The following SPDYE21 variants were observed in gnomAD, a reference collection of about 807,000 sequenced individuals.
SPDYE21 encodes the protein speedy/RINGO cell cycle regulator family member E21, also known as speedy protein E21.
A neutral mutation model predicts 36.2 loss-of-function variants in SPDYE21; 14 were observed. The observed-to-expected ratio is 0.39, with a 90% confidence interval of 0.26 to 0.61. SPDYE21 has a LOEUF of 0.61. Among genes scored for constraint, SPDYE21 ranks in the 20% least tolerant of loss-of-function variants. The probability of loss-of-function intolerance (pLI) is 0.55; values close to 1 mark genes in which losing one functional copy is unlikely to be tolerated. For missense variants in SPDYE21, 233 were observed against 424.6 expected (o/e 0.55, Z 3.97); for synonymous variants, 58 against 155.1 (o/e 0.37, Z 4.65).
chr7:67,286,720 C>T (rs1052798663), intron 8 of SPDYE21, among the ~76,000 whole-genome samples, 56 bp downstream of exon 8: 5 of 151,930 alleles, frequency 3.3e-5, no homozygotes, highest in African/African-American at 4.8e-5. Context: ...TTCGGAAATC[C>T]GAAGAACCCA....
intron 6 of SPDYE21, among the ~76,000 whole-genome samples, chr7:67,284,448 C>CAA (rs3980859): frequency 0.07 from 2,656 of 37,812 alleles, 145 homozygotes; most frequent in East Asian, 0.21. Flanking sequence ...GACTTTTTCT[C>CAA]AAAAAAAAAA....
chr7:67,286,141 C>G lies in SPDYE21; in HGVS notation c.853C>G (p.Arg285Gly). The part of the protein sequence containing the change: ...GKTRSRIPLL[R>G]KRWFQLGRSM... The stretch of plus-strand genomic sequence containing the variant: ...GACCCGCTCTCGCATACCCTTGCTC[C>G]GTAAGCGTTGGTTCCAGTTAGGCCG... Residue 285 changes from arginine to glycine, a missense_variant, in exon 7 of 9, where the codon CGT (arginine) becomes GGT (glycine). Physicochemically the swap from Arg to Gly is moderately radical, Grantham distance 125. Around this residue, in one of 4 missense-constraint regions of SPDYE21, gnomAD observed 139 missense variants for 175.8 expected, o/e 0.79. Coordinates refer to ENST00000424157, the MANE Select transcript of SPDYE21 (RefSeq NM_001382715.2). 1 of 1,611,734 alleles carries G rather than the reference C, an allele frequency of 6.2e-7. No individual in the cohort carries two copies. The highest frequency in any genetic ancestry group is 8.5e-7 in the Non-Finnish European group (1 of 1,179,144).
At chr7:67,285,761 A>G (rs1057444870) in intron 6 of SPDYE21, among the ~76,000 whole-genome samples, 24 of 152,058 alleles carry the variant, frequency 1.6e-4, no homozygotes, top group Admixed American at 1.2e-3. Context: ...TCCTGGCCTC[A>G]AGTGATCCTC....
At chr7:67,285,552 G>A (rs1352090205) in intron 6 of SPDYE21, among the ~76,000 whole-genome samples, 1 of 151,200 alleles carries the variant, frequency 6.6e-6, no homozygotes, top group Non-Finnish European at 1.5e-5. Context: ...ACGGCACCAG[G>A]CTGATTTTTG....
Position 67,279,812 on chromosome 7 carries a change from A to T in SPDYE21, c.161-6A>T. ...CATTACACAGTGGCCTGGTTTCTTT[A>T]CTCAGCCCCTGGGGTAGATCCCAGC... On this transcript the variant is annotated splice_region_variant and splice_polypyrimidine_tract_variant and intron_variant, in intron 2 of 8. Transcript: ENST00000424157. The T allele has an allele frequency of 3.8e-6, 6 of 1,594,326 alleles. No homozygotes were observed. Among genetic ancestry groups the T allele is most frequent in the Non-Finnish European group, 4.2e-6 (5 of 1,178,910 alleles).
intron 6 of SPDYE21, among the ~76,000 whole-genome samples, chr7:67,285,682 G>T (rs1341965922): frequency 6.6e-6 from 1 of 152,198 alleles, no homozygotes; most frequent in East Asian, 1.9e-4. Context: ...GAGCCACTGC[G>T]TCTGGCATAT....
chr7:67,277,893 C>A (rs376488067), intron 1 of SPDYE21, among the ~76,000 whole-genome samples: 3,700 of 140,048 alleles, frequency 0.026, 75 homozygotes, highest in Non-Finnish European at 0.038. Context: ...CATGGATTCC[C>A]TGAAATTGGG....
intron 2 of SPDYE21, among the ~76,000 whole-genome samples, chr7:67,279,182 CCAAA>C (rs1802590699): frequency 6.9e-6 from 1 of 144,568 alleles, no homozygotes. Context: ...TACTGCACTC[CCAAA>C]AAAAAAAAAA....
intron 6 of SPDYE21, among the ~76,000 whole-genome samples, chr7:67,285,222 G>T (rs3980854): frequency 1.3e-5 from 2 of 152,244 alleles, no homozygotes; most frequent in East Asian, 3.9e-4. Flanking sequence ...GTATTCAATT[G>T]CTTTTATTTT....
intron 6 of SPDYE21, among the ~76,000 whole-genome samples, chr7:67,284,914 C>T (rs1414048062): frequency 6.7e-5 from 10 of 149,588 alleles, no homozygotes; most frequent in African/African-American, 2.5e-4. Flanking sequence ...CACTGGCTCA[C>T]CATCTTGGTA....
At chr7:67,285,788 A>C (rs559935) in intron 6 of SPDYE21, among the ~76,000 whole-genome samples, 1 of 151,922 alleles carries the variant, frequency 6.6e-6, no homozygotes, top group African/African-American at 2.4e-5. Flanking sequence ...TGGCCTCCCA[A>C]TGTGCTGGGA....
intron 6 of SPDYE21, among the ~76,000 whole-genome samples, chr7:67,285,743 T>C (rs1802718046): frequency 1.3e-5 from 2 of 152,088 alleles, no homozygotes; most frequent in Non-Finnish European, 2.9e-5. Flanking sequence ...CCCAGGCCCG[T>C]CTCAAACTCC....
At chr7:67,281,043 C>T (rs201199801) in intron 3 of SPDYE21, among the ~76,000 whole-genome samples, 9,793 of 134,524 alleles carry the variant, frequency 0.073, 100 homozygotes, top group Admixed American at 0.092. Flanking sequence ...GATCGCACCA[C>T]TACACTCCAG....
Position 67,287,756 on chromosome 7 carries a change from T to A in SPDYE21, c.*284T>A, listed in dbSNP as rs1802765530. On this transcript the variant is annotated 3_prime_UTR_variant, in exon 9 of 9. Coordinates refer to ENST00000424157, the MANE Select transcript of SPDYE21 (RefSeq NM_001382715.2). ...GTAAGAAACCAGGAGTGTTTCCAGT[T>A]CCACCCTTTCCTGCGGCACCACCAC... 6.6e-6 allele frequency among the ~76,000 whole-genome samples: 1 copy of A among 151,542 alleles called. No homozygotes were observed. Among genetic ancestry groups the A allele is most frequent in the Middle Eastern group, 3.2e-3 (1 of 316 alleles).
In SPDYE21 at chr7:67,288,215, T is replaced by G. The variant is rs971249588; in HGVS notation, c.*743T>G. Among the ~76,000 whole-genome samples, 21 of 150,578 alleles carry G rather than the reference T, an allele frequency of 1.4e-4. No individual in the cohort carries two copies. Among genetic ancestry groups the G allele is most frequent in the Non-Finnish European group, 2.8e-4 (19 of 67,550 alleles). ...TATGTGCTCCTGAAGCGAGCACTCT[T>G]TTTATCTATGATACTTCCATAATAA... On this transcript the variant is annotated 3_prime_UTR_variant, in exon 9 of 9. Transcript: ENST00000424157.
chr7:67,285,708 TA>T (rs1483193807), intron 6 of SPDYE21, among the ~76,000 whole-genome samples: 1 of 152,206 alleles, frequency 6.6e-6, no homozygotes, highest in Non-Finnish European at 1.5e-5. Context: ...ATATTTTTAA[TA>T]GAGACGAGGG....
At position 67,286,034 on chromosome 7, in the gene SPDYE21, C is replaced by A. The variant is rs1272760144; in HGVS notation, c.756-10C>A. On this transcript the variant is annotated splice_polypyrimidine_tract_variant and intron_variant, in intron 6 of 8. Coordinates refer to ENST00000424157, the MANE Select transcript of SPDYE21 (RefSeq NM_001382715.2). The stretch of plus-strand genomic sequence containing the variant: ...GTGCCCCTGAGCAGCAACCTGATTT[C>A]TATCCTCAGCTACCTGGCCAATGAC... 3.2e-5 allele frequency: 51 copies of A among 1,612,642 alleles called. No homozygotes were observed. The highest frequency in any genetic ancestry group is 4.2e-5 in the Non-Finnish European group (49 of 1,179,984).
chr7:67,287,607 T>A lies in SPDYE21; in HGVS notation c.*135T>A, dbSNP rs181809926. ...ACCAGGAAGGAGAAGAGGAACCATT[T>A]GTGCAGATCATCTAGAAGAACCTGG... is the stretch of plus-strand genomic sequence containing the variant. On this transcript the variant is annotated 3_prime_UTR_variant, in exon 9 of 9. Transcript: ENST00000424157. 4.2e-4 allele frequency among the ~76,000 whole-genome samples: 62 copies of A among 148,416 alleles called. No homozygotes were observed. The East Asian group carries it at 0.011, about 27-fold the overall frequency.
At position 67,286,344 on chromosome 7, in the gene SPDYE21, C is replaced by T. The variant is rs1242608871; in HGVS notation, c.1056C>T (p.Asn352=). ...RRCMNPRARK[N]RSQIVLFQKL... The stretch of plus-strand genomic sequence containing the variant: ...GCATGAACCCGAGGGCCAGGAAGAA[C>T]CGCTCTCAGATAGTCCTGTTCCAGA... Residue 352 remains asparagine, a synonymous_variant, in exon 7 of 9, where the codon AAC becomes AAT. Transcript: ENST00000424157. 1.9e-6 allele frequency: 3 copies of T among 1,613,836 alleles called. No individual in the cohort carries two copies. Among genetic ancestry groups the T allele is most frequent in the Non-Finnish European group, 8.5e-7 (1 of 1,180,056 alleles).
Sources: gnomAD v4.1 joint callset for allele counts (sites outside exome capture counted in the v4.1 genomes callset) on GRCh38, gnomAD v4.1.1 for gene constraint, gnomAD v4.1.1 regional missense constraint, MANE v1.5 for transcripts, NCBI Gene and HGNC (gene_info 2026-07-23, HGNC 2026-07-21) for gene names.